Variants in NTNG1 observed in about 807,000 individuals in gnomAD.
NTNG1 encodes netrin G1.
NTNG1 carries 16 observed loss-of-function variants against 54.0 expected under a neutral mutation model. The observed-to-expected ratio is 0.30, with a 90% CI of 0.20 to 0.45. NTNG1 has a LOEUF of 0.45. Ranked by LOEUF, NTNG1 falls within the 20% of genes least tolerant of loss-of-function variation. NTNG1 has a pLI of 1.00. For missense variants in NTNG1, 530 were observed against 678.7 expected (o/e 0.78, Z 2.43); for synonymous variants, 255 against 263.1 (o/e 0.97, Z 0.30).
chr1:107,239,035 C>T (rs1661622880), intron 2 of NTNG1, among the ~76,000 whole-genome samples: 1 of 152,058 alleles, frequency 6.6e-6, no homozygotes, highest in Non-Finnish European at 1.5e-5. Flanking sequence ...GACTTTATAC[C>T]AAACAAGGTA....
intron 3 of NTNG1, among the ~76,000 whole-genome samples, chr1:107,394,429 A>AT (rs34376065): frequency 0.26 from 38,650 of 151,466 alleles, 5,579 homozygotes; most frequent in Non-Finnish European, 0.3. Flanking sequence ...CACATGAAGG[A>AT]TTTTTTTTTC....
chr1:107,401,702 T>A (rs76295343), intron 4 of NTNG1, among the ~76,000 whole-genome samples: 17 of 151,486 alleles, frequency 1.1e-4, no homozygotes, highest in Non-Finnish European at 2.1e-4. Context: ...TTTTTTTTTT[T>A]AATTTGAGGG....
chr1:107,205,931 T>C (rs1659156825), intron 2 of NTNG1, among the ~76,000 whole-genome samples: 1 of 152,216 alleles, frequency 6.6e-6, no homozygotes, highest in Admixed American at 6.5e-5. Flanking sequence ...GTATCTGACT[T>C]GTTGGGTTTA....
At chr1:107,376,382 T>G (rs1195103672) in intron 3 of NTNG1, among the ~76,000 whole-genome samples, 1 of 149,002 alleles carries the variant, frequency 6.7e-6, no homozygotes, top group South Asian at 2.1e-4. Flanking sequence ...CACTCCAGCC[T>G]GGGTGACAGA....
intron 7 of NTNG1, among the ~76,000 whole-genome samples, chr1:107,472,880 C>G (rs981486058): frequency 2.0e-5 from 3 of 152,148 alleles, no homozygotes; most frequent in Non-Finnish European, 4.4e-5. Context: ...TTTTCCATCT[C>G]ACATATCACA....
chr1:107,428,468 C>A (rs188729141), intron 5 of NTNG1, among the ~76,000 whole-genome samples: 144 of 152,200 alleles, frequency 9.5e-4, no homozygotes, highest in Non-Finnish European at 1.6e-3. Context: ...AATTTTTGCA[C>A]ATAAAAGATG....
intron 2 of NTNG1, among the ~76,000 whole-genome samples, chr1:107,165,104 G>A (rs1186184153): frequency 6.6e-6 from 1 of 152,138 alleles, no homozygotes; most frequent in Admixed American, 6.5e-5. Flanking sequence ...GAGTGACTCA[G>A]GATGGAGCAA....
chr1:107,301,549 A>G (rs1356721972), intron 2 of NTNG1, among the ~76,000 whole-genome samples: 1 of 152,188 alleles, frequency 6.6e-6, no homozygotes, highest in Non-Finnish European at 1.5e-5. Context: ...AATTCAATAA[A>G]TTTTCCACTG....
At chr1:107,177,691 C>T (rs74108080) in intron 2 of NTNG1, among the ~76,000 whole-genome samples, 2,285 of 152,260 alleles carry the variant, frequency 0.015, 61 homozygotes, top group African/African-American at 0.051. Flanking sequence ...TTCTCCATAA[C>T]TCTAGATATG....
chr1:107,459,211 AAG>A (rs993801725), intron 7 of NTNG1, among the ~76,000 whole-genome samples: 13 of 152,066 alleles, frequency 8.5e-5, no homozygotes, highest in Non-Finnish European at 1.8e-4. Context: ...ATTGTTCAAA[AAG>A]AGAGAGAGAG....
chr1:107,378,803 G>A (rs779165103), intron 3 of NTNG1, among the ~76,000 whole-genome samples: 2 of 152,140 alleles, frequency 1.3e-5, no homozygotes, highest in Non-Finnish European at 2.9e-5. Context: ...CTGGCGGGTT[G>A]TGGGGCCAGT....
chr1:107,308,375 G>C (rs552850507), intron 2 of NTNG1, among the ~76,000 whole-genome samples: 1 of 152,136 alleles, frequency 6.6e-6, no homozygotes, highest in Non-Finnish European at 1.5e-5. Context: ...CATATGGCTA[G>C]CCAGTTATGC....
At chr1:107,241,284 G>T (rs993432350) in intron 2 of NTNG1, among the ~76,000 whole-genome samples, 3 of 152,138 alleles carry the variant, frequency 2.0e-5, no homozygotes, top group Non-Finnish European at 4.4e-5. Context: ...ATGCAAAATA[G>T]TTCCCTTAGT....
intron 2 of NTNG1, among the ~76,000 whole-genome samples, chr1:107,323,774 A>T (rs896811542): frequency 6.2e-5 from 1 of 16,114 alleles, no homozygotes; most frequent in African/African-American, 6.8e-5. Flanking sequence ...ATTTCAGGGA[A>T]AGCCAAAAAA....
intron 3 of NTNG1, among the ~76,000 whole-genome samples, chr1:107,363,608 T>G (rs1670415477): frequency 6.6e-6 from 1 of 152,192 alleles, no homozygotes; most frequent in South Asian, 2.1e-4. Flanking sequence ...GTTAATTCTA[T>G]TCACTTCATG....
At chr1:107,223,447 C>T (rs1183750032) in intron 2 of NTNG1, among the ~76,000 whole-genome samples, 1 of 151,994 alleles carries the variant, frequency 6.6e-6, no homozygotes, top group Non-Finnish European at 1.5e-5. Context: ...GGACAGAATA[C>T]TAGGGCAGGA....
intron 7 of NTNG1, among the ~76,000 whole-genome samples, chr1:107,459,002 A>T (rs1011835864): frequency 6.6e-6 from 1 of 152,200 alleles, no homozygotes; most frequent in Non-Finnish European, 1.5e-5. Flanking sequence ...TGCTGTTTTA[A>T]AGTCATTTTC....
intron 2 of NTNG1, among the ~76,000 whole-genome samples, chr1:107,210,789 T>G (rs1445568864): frequency 1.3e-5 from 2 of 152,184 alleles, no homozygotes; most frequent in Non-Finnish European, 2.9e-5. Flanking sequence ...TTGGCCTCCC[T>G]GTGCCTCTTT....
At chr1:107,201,005 A>T (rs538625639) in intron 2 of NTNG1, among the ~76,000 whole-genome samples, 1 of 151,890 alleles carries the variant, frequency 6.6e-6, no homozygotes, top group Admixed American at 6.6e-5. Context: ...ATTCTAAGCA[A>T]CACAACGCAA....
Sources: gnomAD v4.1 joint callset for allele counts (sites outside exome capture counted in the v4.1 genomes callset) on GRCh38, gnomAD v4.1.1 for gene constraint, MANE v1.5 for transcripts, NCBI Gene and HGNC (gene_info 2026-07-23, HGNC 2026-07-21) for gene names.